SYNPR: variants seen among roughly 807,000 people sequenced by gnomAD.
The protein encoded by SYNPR is synaptoporin.
A neutral mutation model predicts 32.9 loss-of-function variants in SYNPR; 23 were observed. That is an observed-to-expected ratio of 0.70 (90% confidence interval 0.50 to 0.99). The LOEUF (loss-of-function observed/expected upper bound fraction) is 0.99. Among genes scored for constraint, SYNPR ranks in the 50% least tolerant of loss-of-function variants. SYNPR has a pLI of 0.00. For missense variants in SYNPR, 318 were observed against 349.3 expected, an observed-to-expected ratio of 0.91 and a Z score of 0.71; for synonymous variants, 146 against 135.9, an observed-to-expected ratio of 1.07 and a Z score of -0.52.
chr3:63,462,774 C>T (rs912656241), intron 2 of SYNPR, among the ~76,000 whole-genome samples: 5 of 152,170 alleles, frequency 3.3e-5, no homozygotes, highest in African/African-American at 1.2e-4. Flanking sequence ...TTGCATACTT[C>T]AGTGTGCATC....
chr3:63,508,521 T>G (rs1186016331), intron 3 of SYNPR, among the ~76,000 whole-genome samples: 1 of 152,122 alleles, frequency 6.6e-6, no homozygotes, highest in Admixed American at 6.5e-5. Context: ...TCAAATAATG[T>G]GATGTCATTG....
chr3:63,240,487 C>T (rs2086232547), intron 1 of SYNPR, among the ~76,000 whole-genome samples: 1 of 151,906 alleles, frequency 6.6e-6, no homozygotes, highest in Admixed American at 6.6e-5. Context: ...CCTCCGAAGT[C>T]TAGAAGGAAA....
At chr3:63,249,586 A>C (rs2086315345) in intron 1 of SYNPR, among the ~76,000 whole-genome samples, 1 of 152,098 alleles carries the variant, frequency 6.6e-6, no homozygotes. Context: ...AAGACTACAG[A>C]TATGTGCAGT....
intron 2 of SYNPR, among the ~76,000 whole-genome samples, chr3:63,426,177 G>C (rs956233380): frequency 6.6e-6 from 1 of 152,190 alleles, no homozygotes; most frequent in Admixed American, 6.5e-5. Context: ...AGATGATAAG[G>C]CTTAGAGAAG....
chr3:63,211,386 A>G, the SYNPR span, among the ~76,000 whole-genome samples: 2 of 152,164 alleles, frequency 1.3e-5, no homozygotes, highest in African/African-American at 4.8e-5. Flanking sequence ...TTTTACTTCA[A>G]ATTTTTCTTC....
At chr3:63,305,236 T>TG (rs2086898606) in intron 2 of SYNPR, among the ~76,000 whole-genome samples, 1 of 151,996 alleles carries the variant, frequency 6.6e-6, no homozygotes, top group African/African-American at 2.4e-5. Flanking sequence ...CATCTGAGCC[T>TG]GGGGGTGACT....
intron 2 of SYNPR, among the ~76,000 whole-genome samples, chr3:63,468,251 G>A (rs532408641): frequency 4.0e-4 from 61 of 151,020 alleles, no homozygotes; most frequent in African/African-American, 1.2e-3. Context: ...TGAATGTCTC[G>A]AAGTAGAAGC....
At chr3:63,459,320 C>T (rs1475343455) in intron 2 of SYNPR, among the ~76,000 whole-genome samples, 1 of 152,056 alleles carries the variant, frequency 6.6e-6, no homozygotes, top group Non-Finnish European at 1.5e-5. Context: ...TTTTCTCCAT[C>T]CTTTTTGACT....
In SYNPR at chr3:63,367,027, G is replaced by A. The variant is rs1250407428; in HGVS notation, c.84+88285G>A. On this transcript the variant is annotated intron_variant, in intron 2 of 5. Coordinates refer to ENST00000478300, the MANE Select transcript of SYNPR (RefSeq NM_001130003.2). ...CTATGCACACTATATGTTTAAAATG[G>A]ACAAATACCATTTTGCCTTTTGTCT... Among the ~76,000 whole-genome samples the A allele has an allele frequency of 2.0e-5, 3 of 152,126 alleles. No homozygotes were observed. The East Asian group carries it at 5.8e-4, about 29-fold the overall frequency.
intron 2 of SYNPR, among the ~76,000 whole-genome samples, chr3:63,323,300 G>A (rs763033140): frequency 6.6e-6 from 1 of 151,978 alleles, no homozygotes; most frequent in African/African-American, 2.4e-5. Context: ...ACTTTCCAAT[G>A]GAAAGCCAAC....
At chr3:63,446,590 T>C (rs904642286) in intron 2 of SYNPR, among the ~76,000 whole-genome samples, 2 of 152,158 alleles carry the variant, frequency 1.3e-5, no homozygotes, top group East Asian at 3.8e-4. Context: ...TGGCAGCTTC[T>C]GGATGAGAAG....
At chr3:63,518,946 G>C (rs1701852290) in intron 3 of SYNPR, among the ~76,000 whole-genome samples, 2 of 152,224 alleles carry the variant, frequency 1.3e-5, no homozygotes, top group South Asian at 2.1e-4. Flanking sequence ...TCAATACCTA[G>C]TTTGTTGAGG....
chr3:63,584,568 G>C (rs187861991), intron 4 of SYNPR, among the ~76,000 whole-genome samples: 8 of 152,124 alleles, frequency 5.3e-5, no homozygotes, highest in Admixed American at 3.3e-4. Context: ...TGTGTATTAG[G>C]GAGATACAGT....
At chr3:63,274,633 G>T (rs1246912537), upstream of SYNPR, among the ~76,000 whole-genome samples, 1 of 152,190 alleles carries the variant, frequency 6.6e-6, no homozygotes, top group Non-Finnish European at 1.5e-5. Flanking sequence ...CAGGAAACTT[G>T]GCAAGCTGTT....
chr3:63,412,579 A>T (rs1394687958), intron 2 of SYNPR, among the ~76,000 whole-genome samples: 2 of 152,130 alleles, frequency 1.3e-5, no homozygotes, highest in African/African-American at 4.8e-5. Flanking sequence ...TTTAAAAGGC[A>T]AATATTGTAG....
chr3:63,261,184 A>T (rs1386578932), intron 2 of SYNPR, among the ~76,000 whole-genome samples: 1 of 152,154 alleles, frequency 6.6e-6, no homozygotes, highest in African/African-American at 2.4e-5. Flanking sequence ...TAGAACTAGA[A>T]ATACCATTTG....
intron 4 of SYNPR, among the ~76,000 whole-genome samples, chr3:63,571,452 G>A (rs188743752): frequency 5.3e-4 from 80 of 152,046 alleles, no homozygotes; most frequent in Non-Finnish European, 6.8e-4. Flanking sequence ...GGTTACTAAC[G>A]CTTATCTGTT....
chr3:63,329,561 T>C lies in SYNPR; in HGVS notation c.84+50819T>C, dbSNP rs1283692588. On this transcript the variant is annotated intron_variant, in intron 2 of 5. Transcript: ENST00000478300. Reference sequence around the variant, plus strand: ...AATCTCAAAATGTAATGTAATACATTTCTTGAGGAGAGGACTATGCTCTCT... The same window carrying C: ...AATCTCAAAATGTAATGTAATACATCTCTTGAGGAGAGGACTATGCTCTCT... Among the ~76,000 whole-genome samples the C allele has an allele frequency of 3.9e-5, 6 of 152,316 alleles. No individual in the cohort carries two copies. In the East Asian group the frequency reaches 1.2e-3, roughly 29 times the overall value.
At chr3:63,551,869 C>CTATT (rs10527039) in intron 3 of SYNPR, among the ~76,000 whole-genome samples, 19,676 of 144,586 alleles carry the variant, frequency 0.14, 1,427 homozygotes, top group Non-Finnish European at 0.16. Context: ...CAGCATCTAG[C>CTATT]TATTTATTTA....
Sources: gnomAD v4.1 joint callset for allele counts (sites outside exome capture counted in the v4.1 genomes callset) on GRCh38, gnomAD v4.1.1 for gene constraint, MANE v1.5 for transcripts, NCBI Gene and HGNC (gene_info 2026-07-23, HGNC 2026-07-21) for gene names.